Variants in RAPGEF2 observed in about 807,000 individuals in gnomAD.
The protein encoded by RAPGEF2 is PDZ domain containing guanine nucleotide exchange factor (GEF) 1.
In RAPGEF2, 54 loss-of-function variants were observed where a neutral mutation model predicts 186.7. The ratio of observed to expected loss-of-function variants is 0.29; its 90% confidence interval spans 0.23 to 0.36. The LOEUF is 0.36. Ranked by LOEUF, RAPGEF2 falls within the 10% of genes least tolerant of loss-of-function variation. The pLI is 1.00. For missense variants in RAPGEF2, 1,532 were observed against 2,045.0 expected, an observed-to-expected ratio of 0.75 and a Z score of 4.84; for synonymous variants, 712 against 705.9, an observed-to-expected ratio of 1.01 and a Z score of -0.14.
chr4:159,273,628 TTCTTTCTTTCTTTC>T (rs1369596964), intron 7 of RAPGEF2, among the ~76,000 whole-genome samples: 127 of 13,800 alleles, frequency 9.2e-3, no homozygotes, highest in African/African-American at 0.012. Flanking sequence ...AGTAATCAGT[TTCTTTCTTTCTTTC>T]TTTCTTTCTT....
chr4:159,273,441 C>T (rs984334955), intron 7 of RAPGEF2, among the ~76,000 whole-genome samples: 2 of 152,008 alleles, frequency 1.3e-5, no homozygotes, highest in Non-Finnish European at 2.9e-5. Flanking sequence ...AATAAGTATA[C>T]CTCATATCTT....
chr4:159,195,634 C>G (rs1748558723), intron 3 of RAPGEF2, among the ~76,000 whole-genome samples: 1 of 152,154 alleles, frequency 6.6e-6, no homozygotes, highest in South Asian at 2.1e-4. Flanking sequence ...CATTGTGATT[C>G]TGCAGCCATA....
chr4:159,225,107 C>T (rs932558934), intron 4 of RAPGEF2, among the ~76,000 whole-genome samples: 1 of 152,066 alleles, frequency 6.6e-6, no homozygotes, highest in African/African-American at 2.4e-5. Context: ...TAACCTGGGT[C>T]ACCTGAGAAA....
rs1412350759 is a variant in RAPGEF2 at position 159,353,542 on chromosome 4, T to C, written c.4147T>C (p.Ser1383Pro). 1 of 1,541,992 alleles carries C rather than the reference T, an allele frequency of 6.5e-7. No individual in the cohort carries two copies. Among genetic ancestry groups the C allele is most frequent in the Non-Finnish European group, 8.7e-7 (1 of 1,148,026 alleles). ...CTTATATGCTACAGCTACAGTAATT[T>C]CTTCTCCAAGCACAGAGGAACTTTC... ...RGLYATATVISSPSTEELSQD... is the reference protein window; with the variant it reads ...RGLYATATVIPSPSTEELSQD... The change falls in exon 28 of 30, where the codon TCT becomes CCT. Residue 1383 changes from serine to proline, a missense_variant. Ser to Pro is a moderately conservative substitution (Grantham distance 74). Transcript: ENST00000691494. This position sits in a 1 kb window ranked among gnomAD's most constrained non-coding sequence, Gnocchi z 4.3.
At chr4:159,242,843 T>C (rs1174918036) in intron 6 of RAPGEF2, among the ~76,000 whole-genome samples, 1 of 152,056 alleles carries the variant, frequency 6.6e-6, no homozygotes, top group Admixed American at 6.5e-5. Flanking sequence ...TATTGCTAAT[T>C]TTTTTCTGCT....
At chr4:159,200,935 T>C (rs1054362415) in intron 3 of RAPGEF2, among the ~76,000 whole-genome samples, 5 of 152,190 alleles carry the variant, frequency 3.3e-5, no homozygotes, top group Non-Finnish European at 7.3e-5. Context: ...ATGAATAATA[T>C]CATTTTATAA....
intron 8 of RAPGEF2, among the ~76,000 whole-genome samples, chr4:159,305,077 C>G (rs959446252): frequency 2.6e-5 from 4 of 152,090 alleles, no homozygotes; most frequent in Non-Finnish European, 5.9e-5. Flanking sequence ...ATTCTGTCAT[C>G]CATTGATGAA....
chr4:159,264,860 C>T (rs1757255192), intron 7 of RAPGEF2, among the ~76,000 whole-genome samples: 1 of 152,004 alleles, frequency 6.6e-6, no homozygotes, highest in Non-Finnish European at 1.5e-5. Flanking sequence ...TATTATTTGT[C>T]CTTTTGTGAC....
chr4:159,195,567 C>T (rs781410763), intron 3 of RAPGEF2, among the ~76,000 whole-genome samples: 3 of 152,280 alleles, frequency 2.0e-5, no homozygotes, highest in Non-Finnish European at 4.4e-5. Flanking sequence ...AGCTTTGAGA[C>T]GATAAAGAAC....
intron 24 of RAPGEF2, among the ~76,000 whole-genome samples, chr4:159,345,651 C>T (rs932765313): frequency 1.3e-5 from 2 of 152,150 alleles, no homozygotes; most frequent in East Asian, 1.9e-4. Context: ...ACATGTCTTA[C>T]GTTCTCACAA....
intron 8 of RAPGEF2, among the ~76,000 whole-genome samples, chr4:159,311,620 A>C (rs1006273640): frequency 1.3e-4 from 20 of 152,176 alleles, no homozygotes; most frequent in African/African-American, 4.6e-4. Context: ...ACTTTGCTAA[A>C]ATCACATCAT....
At chr4:159,304,570 G>A (rs1763056589) in intron 8 of RAPGEF2, 97 bp downstream of exon 8, 28 of 1,119,184 alleles carry the variant, frequency 2.5e-5, no homozygotes, top group South Asian at 8.3e-5. Context: ...AAATATATGT[G>A]TATATTACAT....
rs1737499280 is a variant in RAPGEF2 at position 159,104,085 on chromosome 4, G to C, written c.-78G>C. 1.4e-5 allele frequency: 13 copies of C among 941,782 alleles called. No individual in the cohort carries two copies. The South Asian group carries it at 3.3e-4, about 24-fold the overall frequency. 58.3% of individuals were successfully genotyped at this position (941,782 alleles called of 1,614,324 possible). A position where few individuals can be genotyped will look rare whatever the true frequency, so the allele number is the denominator to read the frequency against. On this transcript the variant is annotated 5_prime_UTR_variant, in exon 1 of 30. Transcript: ENST00000691494. The stretch of plus-strand genomic sequence containing the variant: ...CGGGCGGGCGGGCGCAGCGCGCAGG[G>C]CGGAGGCAGCAGCGGCGCTGGGCCG...
chr4:159,274,624 C>T (rs4527442), intron 7 of RAPGEF2, among the ~76,000 whole-genome samples: 1 of 151,930 alleles, frequency 6.6e-6, no homozygotes, highest in Non-Finnish European at 1.5e-5. Context: ...TCATCCTTAA[C>T]GAGTGGTCTT....
At chr4:159,112,084 T>G (rs1738559407) in intron 1 of RAPGEF2, among the ~76,000 whole-genome samples, 1 of 152,228 alleles carries the variant, frequency 6.6e-6, no homozygotes, top group Non-Finnish European at 1.5e-5. Flanking sequence ...GTATATGGCC[T>G]TTGGAGATTG....
At chr4:159,356,555 A>T (rs1732041403) in intron 29 of RAPGEF2, among the ~76,000 whole-genome samples, 1 of 152,172 alleles carries the variant, frequency 6.6e-6, no homozygotes, top group Admixed American at 6.5e-5. Context: ...ATATGACTTG[A>T]TTTCTTTTCT....
chr4:159,313,991 T>C (rs1304103474), intron 8 of RAPGEF2, among the ~76,000 whole-genome samples: 1 of 152,216 alleles, frequency 6.6e-6, no homozygotes, highest in Non-Finnish European at 1.5e-5. Flanking sequence ...TGATTACCTG[T>C]GTTGATGAAT....
chr4:159,262,246 C>T (rs1475177234), intron 7 of RAPGEF2, among the ~76,000 whole-genome samples: 1 of 152,168 alleles, frequency 6.6e-6, no homozygotes, highest in African/African-American at 2.4e-5. Flanking sequence ...GTTTGTGATG[C>T]AGTATTTCCT....
In RAPGEF2 at chr4:159,354,049, A is replaced by G; in HGVS notation, c.4651+3A>G. On this transcript the variant is annotated splice_donor_region_variant and intron_variant, in intron 28 of 29. Coordinates refer to ENST00000691494, the MANE Select transcript of RAPGEF2 (RefSeq NM_001394067.2). ...AAGTACTACAAAGGGGCTCATTGGTAAGTTTTAAAATTGGGGGACTTTGTC... is the reference window on the plus strand; with the variant it reads ...AAGTACTACAAAGGGGCTCATTGGTGAGTTTTAAAATTGGGGGACTTTGTC... The G allele has an allele frequency of 6.4e-7, 1 of 1,553,358 alleles. No individual in the cohort carries two copies.
Sources: gnomAD v4.1 joint callset for allele counts (sites outside exome capture counted in the v4.1 genomes callset) on GRCh38, gnomAD v4.1.1 for gene constraint, Gnocchi (gnomAD v3.1) non-coding constraint, MANE v1.5 for transcripts, NCBI Gene and HGNC (gene_info 2026-07-23, HGNC 2026-07-21) for gene names.